ADCY2: variants seen among roughly 807,000 people sequenced by gnomAD.
The protein encoded by ADCY2 is adenylate cyclase type 2.
Under a neutral mutation model 125.2 loss-of-function variants are expected in ADCY2, and 31 were observed. The ratio of observed to expected loss-of-function variants is 0.25; its 90% CI spans 0.19 to 0.33. The LOEUF (loss-of-function observed/expected upper bound fraction) is 0.33, where lower values mean the gene tolerates loss of function less well. Ranked by LOEUF, ADCY2 falls within the 10% of genes least tolerant of loss-of-function variation. ADCY2 has a pLI of 1.00. For synonymous variants in ADCY2, 512 were observed against 548.4 expected (o/e 0.93, Z 0.93); for missense variants, 904 against 1,418.2 (o/e 0.64, Z 5.82).
intron 5 of ADCY2, chr5:7,692,053 C>T (rs1740723046): frequency 6.6e-6 from 1 of 152,290 alleles, no homozygotes; most frequent in Non-Finnish European, 1.5e-5. Flanking sequence ...CCTCCTCCAA[C>T]ACTGGGGATT....
intron 2 of ADCY2, among the ~76,000 whole-genome samples, chr5:7,466,233 T>C (rs1338519958): frequency 6.6e-6 from 1 of 152,234 alleles, no homozygotes; most frequent in Non-Finnish European, 1.5e-5. Context: ...ATCCTCAAGA[T>C]ATGCCTCCAA....
At chr5:7,760,594 T>C (rs1169053861) in intron 16 of ADCY2, among the ~76,000 whole-genome samples, 1 of 152,204 alleles carries the variant, frequency 6.6e-6, no homozygotes, top group Non-Finnish European at 1.5e-5. Context: ...ACATTTAATA[T>C]CATATACACA....
At chr5:7,472,373 G>C (rs1205545943) in intron 2 of ADCY2, among the ~76,000 whole-genome samples, 1 of 151,838 alleles carries the variant, frequency 6.6e-6, no homozygotes, top group Non-Finnish European at 1.5e-5. Flanking sequence ...TAATTTTTCT[G>C]TTTCTTATGG....
Position 7,789,817 on chromosome 5 carries a change from TG to T in ADCY2, c.2628+22del. On this transcript the variant is annotated intron_variant, in intron 20 of 24. Coordinates refer to ENST00000338316, the MANE Select transcript of ADCY2 (RefSeq NM_020546.3). ...AAGAATGAGGTCAGACCAGGGGGGC[TG>T]GGGGCTGGGGGAGGGGGCTGGATGC... 7.9e-5 allele frequency: 13 copies of T among 164,328 alleles called. No individual in the cohort carries two copies. Among genetic ancestry groups the T allele is most frequent in the East Asian group, 1.9e-4 (1 of 5,184 alleles). The allele number at this position is 164,328 out of a possible 1,614,324, so 10.2% of individuals were successfully genotyped here. A position where few individuals can be genotyped will look rare whatever the true frequency, so the allele number is the denominator to read the frequency against.
intron 3 of ADCY2, among the ~76,000 whole-genome samples, chr5:7,609,101 G>A (rs770798286): frequency 1.8e-4 from 28 of 152,212 alleles, no homozygotes; most frequent in Non-Finnish European, 3.7e-4. Context: ...ACAAAACATA[G>A]CTTCATGGTT....
At chr5:7,677,170 C>G (rs184480580) in intron 4 of ADCY2, among the ~76,000 whole-genome samples, 11 of 151,928 alleles carry the variant, frequency 7.2e-5, no homozygotes, top group Admixed American at 5.9e-4. Context: ...CTCAGCTACT[C>G]GGGAGGCTGA....
intron 3 of ADCY2, among the ~76,000 whole-genome samples, chr5:7,611,398 C>T (rs1357075755): frequency 1.3e-5 from 2 of 151,978 alleles, no homozygotes; most frequent in Non-Finnish European, 2.9e-5. Flanking sequence ...TATTAAGGTC[C>T]TTAAAAAATT....
chr5:7,475,746 C>T (rs940949975), intron 2 of ADCY2, among the ~76,000 whole-genome samples: 7 of 152,250 alleles, frequency 4.6e-5, no homozygotes, highest in Non-Finnish European at 7.4e-5. Context: ...GAGGCAAAGT[C>T]AAGAGCAGCT....
intron 4 of ADCY2, among the ~76,000 whole-genome samples, chr5:7,672,952 G>C (rs62343014): frequency 0.26 from 39,102 of 151,708 alleles, 6,606 homozygotes; most frequent in Non-Finnish European, 0.38. Context: ...TCATCCCACA[G>C]TGCTGTGACT....
intron 2 of ADCY2, among the ~76,000 whole-genome samples, chr5:7,458,439 A>G (rs548477206): frequency 6.6e-6 from 1 of 152,224 alleles, no homozygotes; most frequent in Non-Finnish European, 1.5e-5. Flanking sequence ...ATGATCAGAT[A>G]TATTTAACTA....
Position 7,626,211 on chromosome 5 carries a change from A to G in ADCY2, c.615A>G (p.Gly205=), listed in dbSNP as rs1738121919. The change falls in exon 4 of 25, where the codon GGA becomes GGG. Residue 205 remains glycine (G), a synonymous_variant. Transcript: ENST00000338316. ...TTTTCATCTGTGGGAACCTGGCGGG[A>G]GCCTACCATAAGCACCTCATGGAAC... ...VIIFICGNLA[G]AYHKHLMELA... is the part of the protein sequence containing the mutation. 6 of 1,614,084 alleles carry G rather than the reference A, an allele frequency of 3.7e-6. No homozygotes were observed. The highest frequency in any genetic ancestry group is 5.1e-6 in the Non-Finnish European group (6 of 1,179,962).
At position 7,396,178 on chromosome 5, in the gene ADCY2, A is replaced by G. The variant is rs1739016183; in HGVS notation, c.-119A>G. ...GCCCGCGCCGGAGGCCCCTGCGCGCAGCTCCGGGTGCCGGCAGCCGGGCCG... is the reference window on the plus strand; with the variant it reads ...GCCCGCGCCGGAGGCCCCTGCGCGCGGCTCCGGGTGCCGGCAGCCGGGCCG... On this transcript the variant is annotated 5_prime_UTR_variant, in exon 1 of 25. Transcript: ENST00000338316. The surrounding 1 kb of genome is among the most constrained non-coding windows in gnomAD (Gnocchi z 5.7). 1 of 364,210 alleles carries G rather than the reference A, an allele frequency of 2.7e-6. No individual in the cohort carries two copies. The highest frequency in any genetic ancestry group is 3.7e-6 in the Non-Finnish European group (1 of 270,436). The allele number at this position is 364,210 out of a possible 1,614,324, so 22.6% of individuals were successfully genotyped here. A position where few individuals can be genotyped will look rare whatever the true frequency, so the allele number is the denominator to read the frequency against.
At chr5:7,773,206 T>C in intron 18 of ADCY2, 105 bp downstream of exon 18, 1 of 1,221,982 alleles carries the variant, frequency 8.2e-7, no homozygotes, top group Non-Finnish European at 1.1e-6. Flanking sequence ...TTGTCATTGA[T>C]AAATCATTCT....
At chr5:7,539,289 G>C (rs1734918197) in intron 3 of ADCY2, among the ~76,000 whole-genome samples, 1 of 151,562 alleles carries the variant, frequency 6.6e-6, no homozygotes, top group Admixed American at 6.6e-5. Context: ...GAGCTATCCA[G>C]CAGACATATT....
intron 22 of ADCY2, among the ~76,000 whole-genome samples, chr5:7,813,487 G>A (rs999036233): frequency 6.6e-6 from 1 of 152,216 alleles, no homozygotes; most frequent in Non-Finnish European, 1.5e-5. Context: ...TCAGAGAACT[G>A]AGCGAGTAGT....
intron 3 of ADCY2, among the ~76,000 whole-genome samples, chr5:7,589,511 A>AAAGAAAGAAAGAGAAAGAAAG (rs757777978): frequency 1.3e-4 from 14 of 110,368 alleles, no homozygotes; most frequent in Non-Finnish European, 2.3e-4. Flanking sequence ...AGAAAGAAAG[A>AAAGAAAGAAAGAGAAAGAAAG]AAAGAAAAGA....
intron 21 of ADCY2, among the ~76,000 whole-genome samples, chr5:7,803,220 G>A (rs529754992): frequency 6.6e-6 from 1 of 152,304 alleles, no homozygotes; most frequent in South Asian, 2.1e-4. Flanking sequence ...AATAGCGGCT[G>A]GGGGTCTCAG....
At chr5:7,530,398 G>A (rs903833529) in intron 3 of ADCY2, among the ~76,000 whole-genome samples, 1 of 152,120 alleles carries the variant, frequency 6.6e-6, no homozygotes, top group Non-Finnish European at 1.5e-5. Flanking sequence ...CCCAAGTCTG[G>A]TTCTGATTGA....
At chr5:7,557,730 AC>A (rs1251191874) in intron 3 of ADCY2, among the ~76,000 whole-genome samples, 1 of 152,176 alleles carries the variant, frequency 6.6e-6, no homozygotes, top group Non-Finnish European at 1.5e-5. Context: ...ATAGTATTCC[AC>A]AATGTACCAC....
Sources: gnomAD v4.1 joint callset for allele counts (sites outside exome capture counted in the v4.1 genomes callset) on GRCh38, gnomAD v4.1.1 for gene constraint, Gnocchi (gnomAD v3.1) non-coding constraint, MANE v1.5 for transcripts, NCBI Gene and HGNC (gene_info 2026-07-23, HGNC 2026-07-21) for gene names.